PTPRD: variants seen among roughly 807,000 people sequenced by gnomAD.
PTPRD encodes the protein receptor-type tyrosine-protein phosphatase delta.
Under a neutral mutation model 214.5 loss-of-function variants are expected in PTPRD, and 34 were observed. The observed-to-expected ratio is 0.16, with a 90% confidence interval of 0.12 to 0.21. The LOEUF is 0.21. PTPRD is among the 10% of genes least tolerant of loss of function. The pLI is 1.00. For synonymous variants in PTPRD, 1,128 were observed against 845.7 expected, an observed-to-expected ratio of 1.33 and a Z score of -5.79; for missense variants, 2,545 against 2,398.7, an observed-to-expected ratio of 1.06 and a Z score of -1.27.
intron 4 of PTPRD, among the ~76,000 whole-genome samples, chr9:9,943,833 T>C (rs183508710): frequency 2.6e-5 from 4 of 152,216 alleles, no homozygotes; most frequent in Non-Finnish European, 2.9e-5. Context: ...GGATTCTTTT[T>C]TTCCAAGCTG....
intron 30 of PTPRD, among the ~76,000 whole-genome samples, chr9:8,472,984 A>AGT (rs964159762): frequency 3.3e-5 from 5 of 152,176 alleles, no homozygotes; most frequent in African/African-American, 9.6e-5. Flanking sequence ...TGCTCAGCAC[A>AGT]GTGTGTGTGG....
intron 7 of PTPRD, among the ~76,000 whole-genome samples, chr9:9,587,939 G>A (rs969898679): frequency 2.0e-5 from 3 of 151,856 alleles, no homozygotes; most frequent in Non-Finnish European, 2.9e-5. Context: ...TTGGTTAGCC[G>A]ACTAAAGTGA....
chr9:10,338,741 G>A (rs1218087689), intron 3 of PTPRD, among the ~76,000 whole-genome samples: 2 of 151,642 alleles, frequency 1.3e-5, no homozygotes, highest in African/African-American at 2.4e-5. Flanking sequence ...GAACTCTAAT[G>A]GCAAAGGCAT....
At chr9:9,064,660 G>T (rs557517011) in intron 10 of PTPRD, among the ~76,000 whole-genome samples, 1 of 152,154 alleles carries the variant, frequency 6.6e-6, no homozygotes, top group Non-Finnish European at 1.5e-5. Flanking sequence ...CTGAGACTCC[G>T]AACTGAATAC....
chr9:10,255,152 T>G (rs140017334), intron 3 of PTPRD, among the ~76,000 whole-genome samples: 1 of 152,338 alleles, frequency 6.6e-6, no homozygotes, highest in East Asian at 1.9e-4. Flanking sequence ...AAAGAGTTGC[T>G]CTTTCACATG....
rs147612070 is a variant in PTPRD, at chr9:8,825,933, A to C, written c.-103-91987T>G. Reference sequence around the variant, plus strand: ...TGGGTTTTGGCCAGCTCCTACTGTAACCTGTTTTATCAACAAGGATTTTAT... The same window carrying C: ...TGGGTTTTGGCCAGCTCCTACTGTACCCTGTTTTATCAACAAGGATTTTAT... On this transcript the variant is annotated intron_variant, in intron 11 of 45. Transcript: ENST00000381196. Among the ~76,000 whole-genome samples, 74 of 152,180 alleles carry C rather than the reference A, an allele frequency of 4.9e-4. 1 individual carries two copies. In the East Asian group the frequency reaches 0.014, roughly 29 times the overall value.
At chr9:10,173,704 G>T (rs1265097313) in intron 3 of PTPRD, among the ~76,000 whole-genome samples, 1 of 151,530 alleles carries the variant, frequency 6.6e-6, no homozygotes, top group African/African-American at 2.4e-5. Context: ...AAATAACAAA[G>T]ACTCATAGGG....
intron 39 of PTPRD, among the ~76,000 whole-genome samples, chr9:8,361,830 C>T (rs1460567584): frequency 2.0e-5 from 3 of 152,190 alleles, no homozygotes; most frequent in African/African-American, 4.8e-5. Flanking sequence ...CCTTTGTTCC[C>T]GCTTAAGGTA....
chr9:10,246,869 G>C (rs2092195027), intron 3 of PTPRD, among the ~76,000 whole-genome samples: 1 of 151,104 alleles, frequency 6.6e-6, no homozygotes, highest in African/African-American at 2.4e-5. Context: ...ACTCCAGTCT[G>C]GGCAACAAGA....
chr9:9,693,687 A>T (rs1269928952), intron 7 of PTPRD, among the ~76,000 whole-genome samples: 1 of 152,084 alleles, frequency 6.6e-6, no homozygotes, highest in Non-Finnish European at 1.5e-5. Context: ...TTCTACTTCT[A>T]TGTCTTTCTC....
intron 8 of PTPRD, among the ~76,000 whole-genome samples, chr9:9,508,330 A>T (rs994479233): frequency 6.6e-6 from 1 of 151,436 alleles, no homozygotes; most frequent in Non-Finnish European, 1.5e-5. Flanking sequence ...AGGTAACACA[A>T]TTCTTTCAAC....
intron 12 of PTPRD, among the ~76,000 whole-genome samples, chr9:8,721,593 G>A (rs932044521): frequency 1.3e-5 from 2 of 151,618 alleles, no homozygotes; most frequent in East Asian, 1.9e-4. Context: ...TATAATAATG[G>A]CTAATGTTTA....
chr9:8,424,416 C>G (rs2094535697), intron 35 of PTPRD, among the ~76,000 whole-genome samples: 2 of 152,062 alleles, frequency 1.3e-5, no homozygotes, highest in Admixed American at 6.6e-5. Flanking sequence ...TCATGTGGTT[C>G]AACATACCTT....
At chr9:10,085,144 A>AGTAAAATAAT (rs2098312738) in intron 3 of PTPRD, among the ~76,000 whole-genome samples, 1 of 151,898 alleles carries the variant, frequency 6.6e-6, no homozygotes, top group Non-Finnish European at 1.5e-5. Context: ...TATTTGTGTA[A>AGTAAAATAAT]GTAAAATAAT....
At chr9:8,929,428 C>T (rs190753334) in intron 11 of PTPRD, among the ~76,000 whole-genome samples, 179 of 152,086 alleles carry the variant, frequency 1.2e-3, no homozygotes, top group African/African-American at 4.1e-3. Flanking sequence ...AAGGCCTTTT[C>T]TGCATCTATG....
chr9:9,260,879 G>C (rs2099979809), intron 9 of PTPRD, among the ~76,000 whole-genome samples: 1 of 151,780 alleles, frequency 6.6e-6, no homozygotes, highest in African/African-American at 2.4e-5. Context: ...CCAAAGTAAT[G>C]ACTTTACTGC....
chr9:9,874,723 A>C (rs1405882546), intron 5 of PTPRD, among the ~76,000 whole-genome samples: 1 of 152,158 alleles, frequency 6.6e-6, no homozygotes, highest in Non-Finnish European at 1.5e-5. Context: ...ACTCAGCACA[A>C]GACGGTCTCC....
chr9:10,345,631 A>G (rs191450161), intron 2 of PTPRD, among the ~76,000 whole-genome samples: 131 of 152,332 alleles, frequency 8.6e-4, no homozygotes, highest in African/African-American at 3.0e-3. Context: ...TCCACGGTGT[A>G]TATGTGCCAC....
intron 5 of PTPRD, among the ~76,000 whole-genome samples, chr9:9,789,177 T>C (rs952739542): frequency 2.6e-5 from 4 of 152,244 alleles, no homozygotes; most frequent in Non-Finnish European, 4.4e-5. Flanking sequence ...TATATATTTT[T>C]CTAAATAGGA....
Sources: gnomAD v4.1 joint callset for allele counts (sites outside exome capture counted in the v4.1 genomes callset) on GRCh38, gnomAD v4.1.1 for gene constraint, MANE v1.5 for transcripts, NCBI Gene and HGNC (gene_info 2026-07-23, HGNC 2026-07-21) for gene names.